FGD5: variants seen among roughly 807,000 people sequenced by gnomAD.
FGD5 encodes the protein FYVE, RhoGEF and PH domain containing 5.
In FGD5, 28 loss-of-function variants were observed where a neutral mutation model predicts 133.4. The ratio of observed to expected loss-of-function variants is 0.21; its 90% CI spans 0.16 to 0.29. The LOEUF (loss-of-function observed/expected upper bound fraction) is 0.29. Among genes scored for constraint, FGD5 ranks in the 10% least tolerant of loss-of-function variants. The probability of loss-of-function intolerance (pLI) is 1.00; values close to 1 mark genes in which losing one functional copy is unlikely to be tolerated. For missense variants in FGD5, 1,858 were observed against 1,895.2 expected, an observed-to-expected ratio of 0.98 and a Z score of 0.36; for synonymous variants, 810 against 776.5, an observed-to-expected ratio of 1.04 and a Z score of -0.72.
chr3:14,919,595 G>C (rs1370062273), intron 13 of FGD5, among the ~76,000 whole-genome samples: 1 of 152,176 alleles, frequency 6.6e-6, no homozygotes, highest in Non-Finnish European at 1.5e-5. Context: ...TCCAGCCTGG[G>C]CTACAGAGCA....
At chr3:14,858,393 G>GGATGGATA (rs912960714) in intron 1 of FGD5, among the ~76,000 whole-genome samples, 13 of 151,492 alleles carry the variant, frequency 8.6e-5, no homozygotes, top group East Asian at 5.8e-4. Flanking sequence ...ATGGATGGAT[G>GGATGGATA]GATAGATAGA....
intron 11 of FGD5, among the ~76,000 whole-genome samples, chr3:14,914,967 G>T (rs1052723206): frequency 1.3e-5 from 2 of 152,258 alleles, no homozygotes; most frequent in Non-Finnish European, 2.9e-5. Flanking sequence ...ACAAACTAGA[G>T]CTGCAGGCCA....
At chr3:14,915,970 A>G (rs975346627) in intron 11 of FGD5, among the ~76,000 whole-genome samples, 30 of 151,754 alleles carry the variant, frequency 2.0e-4, no homozygotes, top group Non-Finnish European at 1.5e-5. Context: ...ACCCTGGTTC[A>G]TGTTATTGCC....
rs201631646 is a variant in FGD5 at position 14,896,471 on chromosome 3, C to CT, written c.2749-1022dup. Among the ~76,000 whole-genome samples the CT allele has an allele frequency of 2.4e-3, 361 of 148,432 alleles. 2 individuals are homozygous for CT. The highest frequency in any genetic ancestry group is 7.8e-3 in the African/African-American group (315 of 40,522). ...AACAGACTAGAGAACCCAGATGTAA[C>CT]TTTTTTTTTTTTTTTTGAGACGGAG... On this transcript the variant is annotated intron_variant, in intron 4 of 19. Transcript: ENST00000285046.
intron 1 of FGD5, among the ~76,000 whole-genome samples, chr3:14,813,188 AAAAAG>A (rs1048470175): frequency 6.6e-4 from 101 of 152,298 alleles, no homozygotes; most frequent in African/African-American, 2.3e-3. Context: ...CCCTATGAAA[AAAAAG>A]GGGGTATTTC....
rs926394720 is a variant in FGD5, at chr3:14,922,029, G to C, written c.3669+12G>C. 6.4e-7 allele frequency: 1 copy of C among 1,554,562 alleles called. No homozygotes were observed. On this transcript the variant is annotated intron_variant, in intron 14 of 19. Transcript: ENST00000285046. The surrounding 1 kb of genome is among the most constrained non-coding windows in gnomAD (Gnocchi z 4.1). The stretch of plus-strand genomic sequence containing the variant: ...ACCATAGCGTGGAGGTGAGTGGGTG[G>C]GCAGGGCCCACGGGCCACCAGCTTC...
At chr3:14,892,540 G>A (rs1404029355) in intron 4 of FGD5, among the ~76,000 whole-genome samples, 5 of 152,172 alleles carry the variant, frequency 3.3e-5, no homozygotes, top group Admixed American at 6.5e-5. Flanking sequence ...CCAGCAGGCC[G>A]GGCGCGGTGG....
chr3:14,886,735 A>T (rs984308066), intron 4 of FGD5, among the ~76,000 whole-genome samples: 1 of 152,362 alleles, frequency 6.6e-6, no homozygotes, highest in Non-Finnish European at 1.5e-5. Context: ...CATGCGGCTC[A>T]CAATACTTTC....
chr3:14,841,504 G>A (rs1258365966), intron 1 of FGD5, among the ~76,000 whole-genome samples: 1 of 151,418 alleles, frequency 6.6e-6, no homozygotes, highest in Admixed American at 6.6e-5. Flanking sequence ...TCAAGATTCC[G>A]AGACACAGAA....
chr3:14,858,125 T>C (rs1391608850), intron 1 of FGD5, among the ~76,000 whole-genome samples: 1 of 152,140 alleles, frequency 6.6e-6, no homozygotes, highest in African/African-American at 2.4e-5. Flanking sequence ...CTGTACTCTC[T>C]CTGGGCTCAG....
chr3:14,814,635 G>A (rs2036342433), upstream of FGD5, among the ~76,000 whole-genome samples: 1 of 152,076 alleles, frequency 6.6e-6, no homozygotes, highest in South Asian at 2.1e-4. Context: ...ATCTCAACAG[G>A]CTCCTGCCTT....
intron 1 of FGD5, among the ~76,000 whole-genome samples, chr3:14,853,689 G>A (rs936527321): frequency 1.7e-5 from 2 of 121,196 alleles, no homozygotes; most frequent in African/African-American, 6.6e-5. Flanking sequence ...GGCCCTTTTG[G>A]CTGTGCTCAG....
At chr3:14,872,541 A>G (rs999416865) in intron 2 of FGD5, among the ~76,000 whole-genome samples, 3 of 152,202 alleles carry the variant, frequency 2.0e-5, no homozygotes, top group African/African-American at 4.8e-5. Flanking sequence ...GGGGTGGACA[A>G]GTTTACATAT....
At chr3:14,854,094 C>T (rs1441895211) in intron 1 of FGD5, among the ~76,000 whole-genome samples, 2 of 152,050 alleles carry the variant, frequency 1.3e-5, no homozygotes, top group African/African-American at 2.4e-5. Context: ...CCACCGTGAA[C>T]CTCCATAGTT....
At position 14,819,752 on chromosome 3, in the gene FGD5, A is replaced by G. The variant is rs2036443736; in HGVS notation, c.681A>G (p.Ala227=). The G allele has an allele frequency of 2.6e-6, 4 of 1,541,012 alleles. No homozygotes were observed. Among genetic ancestry groups the G allele is most frequent in the South Asian group, 1.2e-5 (1 of 81,078 alleles). The change falls in exon 1 of 20, where the codon GCA becomes GCG. Residue 227 remains alanine (A), a synonymous_variant. Coordinates refer to ENST00000285046, the MANE Select transcript of FGD5 (RefSeq NM_152536.4). This position sits in a 1 kb window ranked among gnomAD's most constrained non-coding sequence, Gnocchi z 4.1. ...DEEGCASTDP[A]GADEGSGPDR... ...AAGGCTGTGCCAGCACAGACCCAGC[A>G]GGGGCAGATGAGGGTTCGGGTCCTG...
At chr3:14,844,209 AAAAAAAAAATATATAT>A (rs2036983174) in intron 1 of FGD5, among the ~76,000 whole-genome samples, 8 of 26,902 alleles carry the variant, frequency 3.0e-4, no homozygotes, top group Non-Finnish European at 4.7e-4. Flanking sequence ...GGCATTAAAA[AAAAAAAAAATATATAT>A]ATATATATAT....
intron 10 of FGD5, 52 bp downstream of exon 10, chr3:14,907,763 A>G: frequency 1.3e-6 from 2 of 1,559,532 alleles, no homozygotes; most frequent in Non-Finnish European, 1.8e-6. Flanking sequence ...CGAGGCTCCG[A>G]TAAGCCCCAT....
chr3:14,922,994 TCTC>T lies in FGD5; in HGVS notation c.3808-49_3808-47del, dbSNP rs1424695790. On this transcript the variant is annotated intron_variant, in intron 15 of 19. Transcript: ENST00000285046. The surrounding 1 kb of genome is among the most constrained non-coding windows in gnomAD (Gnocchi z 4.1). ...AGGGAGCGGAGGGGAGGGGTGCAGG[TCTC>T]CTTTGCATGCACTGAGAGGGGTGAG... The T allele has an allele frequency of 6.2e-7, 1 of 1,610,790 alleles. No individual in the cohort carries two copies. The highest frequency in any genetic ancestry group is 8.5e-7 in the Non-Finnish European group (1 of 1,177,866).
chr3:14,898,885 G>T, intron 7 of FGD5, 59 bp downstream of exon 7: 1 of 1,436,072 alleles, frequency 7.0e-7, no homozygotes, highest in South Asian at 1.2e-5. Context: ...GGCCCCTGAG[G>T]AGGGGTGGAG....
Sources: allele counts gnomAD v4.1 joint callset (sites outside exome capture counted in the v4.1 genomes callset), GRCh38; gene constraint gnomAD v4.1.1; non-coding constraint Gnocchi (gnomAD v3.1); transcripts MANE v1.5; gene names NCBI Gene and HGNC (gene_info 2026-07-23, HGNC 2026-07-21).